PRKN: variants seen among roughly 807,000 people sequenced by gnomAD.
PRKN encodes E3 ubiquitin-protein ligase parkin.
In PRKN, 56 loss-of-function variants were observed where a neutral mutation model predicts 59.5. The ratio of observed to expected loss-of-function variants is 0.94; its 90% CI spans 0.76 to 1.18. The LOEUF is 1.18. Among genes scored for constraint, PRKN ranks in the 50% most tolerant of loss-of-function variants. PRKN has a pLI of 0.00. For synonymous variants in PRKN, 250 were observed against 222.1 expected, an observed-to-expected ratio of 1.13 and a Z score of -1.12; for missense variants, 657 against 596.4, an observed-to-expected ratio of 1.10 and a Z score of -1.06.
At position 161,355,286 on chromosome 6, in the gene PRKN, C is replaced by T. The variant is rs1268159040; in HGVS notation, c.1285+4802G>A. ...GGCTGGTATCATCTCTTCCAGGAAG[C>T]CTCCTCCTCCGGGTCTGTGTGCCCT... On this transcript the variant is annotated intron_variant, in intron 11 of 11. Coordinates refer to ENST00000366898, the MANE Select transcript of PRKN (RefSeq NM_004562.3). This position sits in a 1 kb window ranked among gnomAD's most constrained non-coding sequence, Gnocchi z 6.8. Among the ~76,000 whole-genome samples, 1 of 152,360 alleles carries T rather than the reference C, an allele frequency of 6.6e-6. No individual in the cohort carries two copies. The highest frequency in any genetic ancestry group is 1.5e-5 in the Non-Finnish European group (1 of 68,038).
intron 5 of PRKN, among the ~76,000 whole-genome samples, chr6:162,011,708 G>A (rs1474762852): frequency 3.3e-5 from 5 of 149,510 alleles, no homozygotes; most frequent in African/African-American, 1.2e-4. Flanking sequence ...TATTTCAGAG[G>A]GTCACTCTGG....
At chr6:161,577,711 G>A (rs1255948825) in intron 7 of PRKN, among the ~76,000 whole-genome samples, 2 of 152,188 alleles carry the variant, frequency 1.3e-5, no homozygotes, top group African/African-American at 2.4e-5. Flanking sequence ...TCAGATAGCT[G>A]TGATTTCATA....
At chr6:161,990,001 T>A (rs73606826) in intron 5 of PRKN, among the ~76,000 whole-genome samples, 1 of 152,080 alleles carries the variant, frequency 6.6e-6, no homozygotes, top group Non-Finnish European at 1.5e-5. Context: ...ATATGCTGAC[T>A]AGGAACCAGA....
intron 1 of PRKN, among the ~76,000 whole-genome samples, chr6:162,525,334 C>T (rs1001707797): frequency 4.6e-5 from 7 of 152,182 alleles, no homozygotes; most frequent in African/African-American, 1.2e-4. Context: ...TCCAGACTCA[C>T]GGGCCTTCCT....
chr6:162,701,674 G>C (rs189971172), intron 1 of PRKN, among the ~76,000 whole-genome samples: 30 of 151,922 alleles, frequency 2.0e-4, no homozygotes, highest in Non-Finnish European at 4.4e-5. Context: ...TCCAAGATTG[G>C]AGCTTTCTTC....
intron 3 of PRKN, among the ~76,000 whole-genome samples, chr6:162,253,285 A>AATCTAATCTAATCTC (rs1779513410): frequency 6.7e-6 from 1 of 148,838 alleles, no homozygotes; most frequent in Non-Finnish European, 1.5e-5. Flanking sequence ...CAACAAATCT[A>AATCTAATCTAATCTC]ATCTAATCTA....
At chr6:161,922,480 CAT>C (rs10598407) in intron 6 of PRKN, among the ~76,000 whole-genome samples, 7,062 of 152,174 alleles carry the variant, frequency 0.046, 568 homozygotes, top group African/African-American at 0.16. Context: ...GGGGGAAATA[CAT>C]ATGTGTGTGT....
intron 7 of PRKN, among the ~76,000 whole-genome samples, chr6:161,598,129 T>C (rs1295955763): frequency 6.6e-6 from 1 of 152,252 alleles, no homozygotes; most frequent in Admixed American, 6.5e-5. Flanking sequence ...ATGCAGCAGA[T>C]GCTCAATAAA....
rs773265265 is a variant in PRKN, at chr6:161,360,081, G to A, written c.1285+7C>T. 3.8e-6 allele frequency: 6 copies of A among 1,584,390 alleles called. No homozygotes were observed. In the East Asian group the frequency reaches 1.3e-4, roughly 35 times the overall value. ...ACATCCTCATTCTCTGCTCAGCACA[G>A]ACTCACCATTTTTTTCCACTGGTAC... is the stretch of plus-strand genomic sequence containing the variant. On this transcript the variant is annotated splice_region_variant and intron_variant, in intron 11 of 11. Coordinates refer to ENST00000366898, the MANE Select transcript of PRKN (RefSeq NM_004562.3). The surrounding 1 kb of genome is among the most constrained non-coding windows in gnomAD (Gnocchi z 5.1).
At chr6:162,305,975 A>G (rs1263167968) in intron 2 of PRKN, among the ~76,000 whole-genome samples, 1 of 152,038 alleles carries the variant, frequency 6.6e-6, no homozygotes, top group Non-Finnish European at 1.5e-5. Context: ...TTTCTTGCTC[A>G]ATTCCCTTGA....
intron 9 of PRKN, among the ~76,000 whole-genome samples, chr6:161,387,630 A>G (rs1286928942): frequency 6.6e-6 from 1 of 152,246 alleles, no homozygotes; most frequent in African/African-American, 2.4e-5. Flanking sequence ...TTTACATTCA[A>G]TATTTGTTTG....
chr6:162,254,561 T>C (rs907042526), intron 3 of PRKN, among the ~76,000 whole-genome samples: 1 of 152,146 alleles, frequency 6.6e-6, no homozygotes, highest in Non-Finnish European at 1.5e-5. Flanking sequence ...GCTCAGTTGA[T>C]TCAATCTGAA....
chr6:161,678,024 T>G (rs1230383498), intron 7 of PRKN, among the ~76,000 whole-genome samples: 1 of 152,164 alleles, frequency 6.6e-6, no homozygotes, highest in Non-Finnish European at 1.5e-5. Context: ...ACTGTCTAGA[T>G]AACCTTAACC....
chr6:161,723,617 T>C (rs1787318469), intron 7 of PRKN, among the ~76,000 whole-genome samples: 1 of 152,092 alleles, frequency 6.6e-6, no homozygotes. Context: ...ACAGACACTT[T>C]CTTTCACGAC....
intron 6 of PRKN, among the ~76,000 whole-genome samples, chr6:161,834,167 CTGACCAG>C (rs1490793731): frequency 6.6e-5 from 10 of 152,120 alleles, no homozygotes; most frequent in African/African-American, 2.4e-4. Flanking sequence ...GATCATAAAA[CTGACCAG>C]TTTTATGCAC....
intron 3 of PRKN, among the ~76,000 whole-genome samples, chr6:162,234,312 C>T (rs1032360634): frequency 6.6e-5 from 10 of 152,116 alleles, no homozygotes; most frequent in African/African-American, 2.2e-4. Context: ...CCCCAGTGAG[C>T]TGGCTTTAGG....
At chr6:161,942,516 G>A (rs922309940) in intron 6 of PRKN, among the ~76,000 whole-genome samples, 1 of 152,106 alleles carries the variant, frequency 6.6e-6, no homozygotes, top group Admixed American at 6.5e-5. Flanking sequence ...GGGCGACAGA[G>A]CGAGACTCCA....
chr6:162,356,694 C>T (rs149554669), intron 2 of PRKN, among the ~76,000 whole-genome samples: 258 of 145,660 alleles, frequency 1.8e-3, no homozygotes, highest in Middle Eastern at 0.011. Context: ...TCATTGGTAC[C>T]ACCCGACTTT....
At chr6:162,646,270 G>GT (rs5881488) in intron 1 of PRKN, among the ~76,000 whole-genome samples, 13,140 of 149,672 alleles carry the variant, frequency 0.088, 711 homozygotes, top group Middle Eastern at 0.19. Flanking sequence ...AAAATACAAA[G>GT]TTTTTTTTTT....
Sources: allele counts gnomAD v4.1 joint callset (sites outside exome capture counted in the v4.1 genomes callset), GRCh38; gene constraint gnomAD v4.1.1; non-coding constraint Gnocchi (gnomAD v3.1); transcripts MANE v1.5; gene names NCBI Gene and HGNC (gene_info 2026-07-23, HGNC 2026-07-21).